FAM120B: variants seen among roughly 807,000 people sequenced by gnomAD.
The protein encoded by FAM120B is constitutive coactivator of peroxisome proliferator-activated receptor gamma.
FAM120B carries 83 observed loss-of-function variants against 96.3 expected under a neutral mutation model. That is an observed-to-expected ratio of 0.86 (90% CI 0.72 to 1.03). The LOEUF (loss-of-function observed/expected upper bound fraction) is 1.03, where lower values mean the gene tolerates loss of function less well. FAM120B is among the 50% of genes least tolerant of loss of function. The pLI, the probability that FAM120B is intolerant of heterozygous loss-of-function variation, is 0.00. For missense variants in FAM120B, 1,027 were observed against 1,121.2 expected (o/e 0.92, Z 1.20); for synonymous variants, 407 against 402.7 (o/e 1.01, Z -0.13).
upstream of FAM120B, among the ~76,000 whole-genome samples, chr6:170,306,335 C>G (rs927147960): frequency 1.8e-4 from 28 of 152,076 alleles, no homozygotes; most frequent in Non-Finnish European, 1.6e-4. Context: ...GGCGAGGCTC[C>G]CGGCCTCAGG....
At chr6:170,396,808 G>A (rs1034094894) in intron 9 of FAM120B, among the ~76,000 whole-genome samples, 1 of 152,232 alleles carries the variant, frequency 6.6e-6, no homozygotes, top group Non-Finnish European at 1.5e-5. Flanking sequence ...TAACTTAGAA[G>A]GTGCTGCAGT....
At chr6:170,372,782 G>A (rs1158322403) in intron 6 of FAM120B, among the ~76,000 whole-genome samples, 7 of 152,216 alleles carry the variant, frequency 4.6e-5, no homozygotes, top group Admixed American at 4.6e-4. Flanking sequence ...CTTACGTTCT[G>A]TAAGACTGTG....
intron 8 of FAM120B, among the ~76,000 whole-genome samples, chr6:170,393,191 C>T (rs1790563880): frequency 6.7e-6 from 1 of 150,314 alleles, no homozygotes; most frequent in Non-Finnish European, 1.5e-5. Context: ...CACAGTCCTG[C>T]AGGGTTCCCT....
At chr6:170,338,914 G>T (rs1786628053) in intron 4 of FAM120B, among the ~76,000 whole-genome samples, 1 of 124,312 alleles carries the variant, frequency 8.0e-6, no homozygotes, top group Non-Finnish European at 1.6e-5. Context: ...AAGCCTATGT[G>T]TGTCTTTGCA....
At chr6:170,377,091 G>T (rs1302899955) in intron 6 of FAM120B, among the ~76,000 whole-genome samples, 1 of 132,620 alleles carries the variant, frequency 7.5e-6, no homozygotes, top group Non-Finnish European at 1.6e-5. Flanking sequence ...ACGCTGCTCG[G>T]TGCTGTGCAC....
chr6:170,346,450 A>G (rs1787198972), intron 4 of FAM120B, among the ~76,000 whole-genome samples: 1 of 152,216 alleles, frequency 6.6e-6, no homozygotes. Context: ...AATCGTTAGT[A>G]TATTTGAAAT....
intron 1 of FAM120B, among the ~76,000 whole-genome samples, chr6:170,316,819 C>T (rs904535360): frequency 2.6e-5 from 4 of 152,154 alleles, no homozygotes; most frequent in Non-Finnish European, 4.4e-5. Flanking sequence ...TAATCCTTCC[C>T]GCCACTGTCT....
intron 6 of FAM120B, among the ~76,000 whole-genome samples, chr6:170,382,789 A>G (rs1376161413): frequency 6.6e-6 from 1 of 152,232 alleles, no homozygotes; most frequent in Non-Finnish European, 1.5e-5. Context: ...GTAGATGCGC[A>G]AGATTATTCT....
At chr6:170,346,151 G>A (rs944340926) in intron 4 of FAM120B, among the ~76,000 whole-genome samples, 2 of 152,252 alleles carry the variant, frequency 1.3e-5, no homozygotes, top group Non-Finnish European at 2.9e-5. Context: ...TGTGGCGCAT[G>A]GCTGTACTGG....
At chr6:170,382,393 G>C (rs1023337242) in intron 6 of FAM120B, among the ~76,000 whole-genome samples, 1 of 152,110 alleles carries the variant, frequency 6.6e-6, no homozygotes, top group African/African-American at 2.4e-5. Flanking sequence ...AACCGAGTGA[G>C]ACCCTGTCCT....
Position 170,317,854 on chromosome 6 carries a change from C to A in FAM120B, c.464C>A (p.Ser155Tyr), listed in dbSNP as rs777855786. The part of the protein sequence containing the change: ...LKTLGQETLC[S>Y]LQEADYEVAS... ...ACACTGGGCCAGGAAACTTTGTGTT[C>A]TTTGCAGGAAGCAGATTATGAGGTA... Residue 155 changes from serine (S) to tyrosine (Y), a missense_variant, in exon 2 of 11, where the codon TCT becomes TAT. Physicochemically the swap from Ser to Tyr is moderately radical, Grantham distance 144. Transcript: ENST00000476287. 1 of 1,614,246 alleles carries A rather than the reference C, an allele frequency of 6.2e-7. No individual in the cohort carries two copies. The highest frequency in any genetic ancestry group is 8.5e-7 in the Non-Finnish European group (1 of 1,180,046).
chr6:170,385,570 T>C (rs1401517451), intron 6 of FAM120B, among the ~76,000 whole-genome samples: 3 of 152,180 alleles, frequency 2.0e-5, no homozygotes, highest in African/African-American at 4.8e-5. Flanking sequence ...TTCAAAGTGG[T>C]GAAGCCACTC....
At chr6:170,376,331 A>G (rs1225770778) in intron 6 of FAM120B, among the ~76,000 whole-genome samples, 1 of 152,160 alleles carries the variant, frequency 6.6e-6, no homozygotes, top group Non-Finnish European at 1.5e-5. Context: ...AGCATAAGAC[A>G]TATGTCTTTG....
At chr6:170,378,892 G>T (rs1789738132) in intron 6 of FAM120B, among the ~76,000 whole-genome samples, 2 of 152,258 alleles carry the variant, frequency 1.3e-5, no homozygotes, top group Non-Finnish European at 2.9e-5. Context: ...TAACTATTCA[G>T]CTTTCTGTGA....
At chr6:170,368,822 G>GGA (rs200610143) in intron 6 of FAM120B, among the ~76,000 whole-genome samples, 1 of 126,174 alleles carries the variant, frequency 7.9e-6, no homozygotes, top group Non-Finnish European at 1.8e-5. Flanking sequence ...GCCGGGGCTG[G>GGA]GGGGGGGGCT....
At chr6:170,290,799 C>T (rs1461991929), upstream of FAM120B, 3 of 576,530 alleles carry the variant, frequency 5.2e-6, no homozygotes, top group East Asian at 3.0e-5. The surrounding 1 kb of genome is among the most constrained non-coding windows in gnomAD (Gnocchi z 4.7). Flanking sequence ...CCAGCCAATG[C>T]CATCCAGTAC....
intron 9 of FAM120B, among the ~76,000 whole-genome samples, chr6:170,401,166 C>T (rs1025951461): frequency 1.3e-5 from 2 of 152,230 alleles, no homozygotes; most frequent in African/African-American, 4.8e-5. Flanking sequence ...TCTTGGAACC[C>T]TGTGTGCCTC....
At chr6:170,342,613 A>AC (rs942540042) in intron 4 of FAM120B, among the ~76,000 whole-genome samples, 74 of 152,262 alleles carry the variant, frequency 4.9e-4, no homozygotes, top group African/African-American at 1.7e-3. Context: ...AGAGCTTCCC[A>AC]CCATAGAACT....
At chr6:170,301,633 T>C (rs2114980882) in intron 1 of FAM120B, among the ~76,000 whole-genome samples, 1 of 152,338 alleles carries the variant, frequency 6.6e-6, no homozygotes, top group Middle Eastern at 3.4e-3. Context: ...TGCTTTGCTG[T>C]CTAGAAATTT....
Sources: allele counts gnomAD v4.1 joint callset (sites outside exome capture counted in the v4.1 genomes callset), GRCh38; gene constraint gnomAD v4.1.1; non-coding constraint Gnocchi (gnomAD v3.1); transcripts MANE v1.5; gene names NCBI Gene and HGNC (gene_info 2026-07-23, HGNC 2026-07-21).